The following MED13 variants were observed in gnomAD, a reference collection of about 807,000 sequenced individuals.
The protein encoded by MED13 is mediator complex subunit 13.
A neutral mutation model predicts 225.2 loss-of-function variants in MED13; 23 were observed. That is an observed-to-expected ratio of 0.10 (90% CI 0.07 to 0.14). The LOEUF (loss-of-function observed/expected upper bound fraction) is 0.14. Among genes scored for constraint, MED13 ranks in the 10% least tolerant of loss-of-function variants. The pLI, the probability that MED13 is intolerant of heterozygous loss-of-function variation, is 1.00. For missense variants in MED13, 2,197 were observed against 2,594.5 expected (o/e 0.85, Z 3.33); for synonymous variants, 942 against 889.2 (o/e 1.06, Z -1.06).
At position 61,962,733 on chromosome 17, in the gene MED13, C is replaced by A. The variant is rs916575887; in HGVS notation, c.5064+19G>T. 1 of 1,601,924 alleles carries A rather than the reference C, an allele frequency of 6.2e-7. No homozygotes were observed. Among genetic ancestry groups the A allele is most frequent in the Non-Finnish European group, 8.6e-7 (1 of 1,169,324 alleles). On this transcript the variant is annotated intron_variant, in intron 21 of 29. Transcript: ENST00000397786. ...AACTGTTTTACATAATTTTAACTCA[C>A]AACATCTATCACTCTTACCTGTACA...
At chr17:62,046,729 T>C (rs970005652) in intron 3 of MED13, among the ~76,000 whole-genome samples, 1 of 151,988 alleles carries the variant, frequency 6.6e-6, no homozygotes, top group Non-Finnish European at 1.5e-5. Context: ...CCCAGCTACA[T>C]GGGAGGCTGA....
intron 5 of MED13, among the ~76,000 whole-genome samples, chr17:62,033,126 CT>C (rs1248758127): frequency 6.6e-6 from 1 of 151,886 alleles, no homozygotes; most frequent in Non-Finnish European, 1.5e-5. Context: ...GCACTCCAGC[CT>C]GGGCAACAGA....
chr17:62,015,948 A>ATT (rs1567979943), intron 8 of MED13, among the ~76,000 whole-genome samples: 982 of 14,626 alleles, frequency 0.067, 69 homozygotes, highest in Non-Finnish European at 0.098. Context: ...ATATATATAT[A>ATT]TATATATTTT....
chr17:62,064,355 T>TC (rs2081064413), intron 1 of MED13, among the ~76,000 whole-genome samples: 1 of 152,112 alleles, frequency 6.6e-6, no homozygotes, highest in Non-Finnish European at 1.5e-5. Context: ...CATCCCTACA[T>TC]CCCGCTTCTC....
chr17:62,054,674 CA>C (rs1471064909), intron 2 of MED13, among the ~76,000 whole-genome samples: 12 of 152,132 alleles, frequency 7.9e-5, no homozygotes, highest in Non-Finnish European at 1.6e-4. Flanking sequence ...CCTACCATTT[CA>C]AAATTAAATA....
rs2143259644 is a variant in MED13 at position 61,944,678 on chromosome 17, G to GT, written c.*1789dup. ...AGAGTATTCACAAAAACAAGTTTCA[G>GT]TAAAAAAAAAAACTAAAACAAACAC... is the stretch of plus-strand genomic sequence containing the variant. On this transcript the variant is annotated 3_prime_UTR_variant, in exon 30 of 30. Coordinates refer to ENST00000397786, the MANE Select transcript of MED13 (RefSeq NM_005121.3). The GT allele has an allele frequency of 6.6e-6, 1 of 150,858 alleles. No homozygotes were observed. Among genetic ancestry groups the GT allele is most frequent in the African/African-American group, 2.4e-5 (1 of 41,020 alleles). 9.3% of individuals were successfully genotyped at this position (150,858 alleles called of 1,614,324 possible).
chr17:62,002,309 G>A (rs1253265107), intron 9 of MED13, among the ~76,000 whole-genome samples: 7 of 152,014 alleles, frequency 4.6e-5, no homozygotes, highest in Non-Finnish European at 1.0e-4. Context: ...GGCCAACATG[G>A]CGAAACCCGT....
At chr17:61,959,650 C>T (rs1483579972) in intron 23 of MED13, among the ~76,000 whole-genome samples, 1 of 151,454 alleles carries the variant, frequency 6.6e-6, no homozygotes, top group African/African-American at 2.4e-5. Flanking sequence ...TTAGATATTT[C>T]TGCATATATT....
intron 3 of MED13, among the ~76,000 whole-genome samples, chr17:62,040,876 AAATAAC>A: frequency 6.6e-6 from 1 of 152,300 alleles, no homozygotes; most frequent in South Asian, 2.1e-4. Context: ...AAAAAACAGG[AAATAAC>A]AAGTGTTGAT....
Position 61,985,043 on chromosome 17 carries a change from G to C in MED13, c.2433C>G (p.Cys811Trp). The C allele has an allele frequency of 6.2e-7, 1 of 1,613,900 alleles. No individual in the cohort carries two copies. The highest frequency in any genetic ancestry group is 8.5e-7 in the Non-Finnish European group (1 of 1,179,942). ...CCAGATTTCCTGTCTTTGATTCCTT[G>C]CAGCTGGCTTTATCATCTGATCCAT... ...SANGSDDKAS[C>W]KESKTGNLDP... Residue 811 changes from cysteine (C) to tryptophan (W), a missense_variant, in exon 13 of 30, where the codon TGC becomes TGG. By Grantham distance (215) the Cys-to-Trp change is radical. This residue lies in a region of MED13 where 41 missense variants were observed against 55.8 expected (regional missense o/e 0.73). Transcript: ENST00000397786.
At chr17:62,020,147 A>T (rs2080625198) in intron 8 of MED13, among the ~76,000 whole-genome samples, 1 of 151,928 alleles carries the variant, frequency 6.6e-6, no homozygotes, top group Admixed American at 6.6e-5. Flanking sequence ...CTTTTAGATT[A>T]TTTTTTCCTA....
intron 3 of MED13, among the ~76,000 whole-genome samples, chr17:62,047,464 A>T (rs573451135): frequency 6.6e-6 from 1 of 152,306 alleles, no homozygotes; most frequent in Admixed American, 6.5e-5. Context: ...ACAGAAAACC[A>T]AACACTGTAT....
chr17:61,961,870 G>C, intron 21 of MED13, 91 bp from the exon 22 acceptor site: 1 of 1,187,876 alleles, frequency 8.4e-7, no homozygotes, highest in South Asian at 1.4e-5. Context: ...CTTTTTACTA[G>C]AAAATTTACA....
intron 3 of MED13, among the ~76,000 whole-genome samples, chr17:62,043,163 A>G (rs2080868644): frequency 6.9e-6 from 1 of 144,624 alleles, no homozygotes; most frequent in Non-Finnish European, 1.5e-5. Context: ...CTCCAAAAAA[A>G]AAAAAAAAAA....
At chr17:61,950,654 C>G (rs926873164) in intron 28 of MED13, among the ~76,000 whole-genome samples, 171 bp downstream of exon 28, 1 of 152,112 alleles carries the variant, frequency 6.6e-6, no homozygotes, top group Non-Finnish European at 1.5e-5. Flanking sequence ...AAAGTGCTGG[C>G]ATTACAGGCG....
chr17:62,033,942 T>A lies in MED13; in HGVS notation c.659A>T (p.Gln220Leu). The change falls in exon 5 of 30, where the codon CAG becomes CTG. Residue 220 changes from glutamine to leucine, a missense_variant. This residue lies in a region of MED13 where 884 missense variants were observed against 918.5 expected (regional missense o/e 0.96). Transcript: ENST00000397786. ...PFGLNGTLTG[Q>L]AFKMSDSATK... ...AGCTGAATCAGACATCTTGAATGCC[T>A]GTCCTGTGAGAGTGCCATTTAGTCC... The A allele has an allele frequency of 6.2e-7, 1 of 1,614,128 alleles. No homozygotes were observed. The highest frequency in any genetic ancestry group is 8.5e-7 in the Non-Finnish European group (1 of 1,180,022).
chr17:62,037,934 C>A (rs1401865838), intron 3 of MED13, among the ~76,000 whole-genome samples: 6 of 105,860 alleles, frequency 5.7e-5, no homozygotes, highest in Non-Finnish European at 1.0e-4. Flanking sequence ...TCAGCCTGGG[C>A]AACAGAGTGA....
chr17:61,979,830 C>CAAT (rs1282969734), intron 16 of MED13, among the ~76,000 whole-genome samples: 1 of 152,098 alleles, frequency 6.6e-6, no homozygotes, highest in East Asian at 1.9e-4. Flanking sequence ...TGGTCACATC[C>CAAT]AATAGCCTGT....
intron 2 of MED13, among the ~76,000 whole-genome samples, chr17:62,059,823 T>C (rs2081024227): frequency 1.3e-5 from 2 of 152,186 alleles, no homozygotes; most frequent in Admixed American, 1.3e-4. Flanking sequence ...AGTAACAACA[T>C]TCTTAAGTAA....
Sources: allele counts gnomAD v4.1 joint callset (sites outside exome capture counted in the v4.1 genomes callset), GRCh38; gene constraint gnomAD v4.1.1; regional missense constraint gnomAD v4.1.1; transcripts MANE v1.5; gene names NCBI Gene and HGNC (gene_info 2026-07-23, HGNC 2026-07-21).